The following EYS variants were observed in gnomAD, a reference collection of about 807,000 sequenced individuals.
EYS encodes protein eyes shut homolog.
A neutral mutation model predicts 282.1 loss-of-function variants in EYS; 250 were observed. The observed-to-expected ratio is 0.89, with a 90% CI of 0.80 to 0.98. The LOEUF is 0.98. Among genes scored for constraint, EYS ranks in the 50% least tolerant of loss-of-function variants. The pLI, the probability that EYS is intolerant of heterozygous loss-of-function variation, is 0.00. For synonymous variants in EYS, 1,355 were observed against 1,282.9 expected, an observed-to-expected ratio of 1.06 and a Z score of -1.20; for missense variants, 4,016 against 3,709.0, an observed-to-expected ratio of 1.08 and a Z score of -2.15.
rs532808715 is a variant in EYS at position 64,077,787 on chromosome 6, T to A, written c.6571+4069A>T. ...ACTGCTTGTGTAATAGAGCTCATTT[T>A]CTGAAAGTGCACCTAAAGAATTTTG... On this transcript the variant is annotated intron_variant, in intron 32 of 42. Transcript: ENST00000503581. 1.1e-4 allele frequency among the ~76,000 whole-genome samples: 16 copies of A among 152,168 alleles called. No individual in the cohort carries two copies. In the South Asian group the frequency reaches 1.4e-3, roughly 14 times the overall value.
At chr6:64,159,681 T>C (rs1315250918) in intron 31 of EYS, among the ~76,000 whole-genome samples, 2 of 152,024 alleles carry the variant, frequency 1.3e-5, no homozygotes, top group Admixed American at 6.5e-5. Flanking sequence ...TGGAAGCTGA[T>C]TGCATTTTAA....
chr6:64,536,270 A>G (rs1031807589), intron 26 of EYS, among the ~76,000 whole-genome samples: 1 of 152,148 alleles, frequency 6.6e-6, no homozygotes, highest in African/African-American at 2.4e-5. Context: ...AAACAAATGT[A>G]AGGGAAAAAA....
chr6:64,518,366 G>A (rs987375018), intron 26 of EYS, among the ~76,000 whole-genome samples: 13 of 151,650 alleles, frequency 8.6e-5, no homozygotes, highest in Non-Finnish European at 1.9e-4. Context: ...GCCCGGGCTG[G>A]ATCTTAGTGG....
intron 29 of EYS, among the ~76,000 whole-genome samples, chr6:64,309,752 G>A (rs1416727288): frequency 2.6e-5 from 4 of 151,972 alleles, no homozygotes; most frequent in Admixed American, 2.6e-4. Context: ...GGATCATGAG[G>A]TCAAGAGATC....
intron 30 of EYS, among the ~76,000 whole-genome samples, chr6:64,302,684 A>G (rs1769277581): frequency 6.6e-6 from 1 of 152,136 alleles, no homozygotes; most frequent in African/African-American, 2.4e-5. Flanking sequence ...AAATATGCTC[A>G]AAAAAGGGGG....
intron 5 of EYS, among the ~76,000 whole-genome samples, chr6:65,469,836 T>G (rs1184051676): frequency 6.6e-6 from 1 of 152,124 alleles, no homozygotes; most frequent in African/African-American, 2.4e-5. Flanking sequence ...GAGGAAATGA[T>G]GTAAGTAAAT....
chr6:63,723,087 GT>G lies in EYS; in HGVS notation c.8234-1291del, dbSNP rs560429011. Among the ~76,000 whole-genome samples the G allele has an allele frequency of 3.8e-3, 586 of 152,212 alleles. 3 individuals are homozygous for G. The highest frequency in any genetic ancestry group is 0.012 in the African/African-American group (509 of 41,546). Reference sequence around the variant, plus strand: ...AAATAATTATTAAATAAAGAAATACGTTTGTAGGGTTGTGGGTTGAGATGAC... The same window carrying G: ...AAATAATTATTAAATAAAGAAATACGTTGTAGGGTTGTGGGTTGAGATGAC... On this transcript the variant is annotated intron_variant, in intron 42 of 42. Coordinates refer to ENST00000503581, the MANE Select transcript of EYS (RefSeq NM_001142800.2).
intron 29 of EYS, among the ~76,000 whole-genome samples, chr6:64,373,824 A>G (rs979730405): frequency 6.6e-6 from 1 of 152,112 alleles, no homozygotes; most frequent in Non-Finnish European, 1.5e-5. Flanking sequence ...CCACCTGGCT[A>G]TCGGTGGAGG....
At chr6:63,809,964 G>T (rs879934811) in intron 36 of EYS, among the ~76,000 whole-genome samples, 1 of 151,530 alleles carries the variant, frequency 6.6e-6, no homozygotes, top group Non-Finnish European at 1.5e-5. Flanking sequence ...TGCTGTGGCC[G>T]GGCACGGTGG....
intron 12 of EYS, among the ~76,000 whole-genome samples, chr6:65,273,054 GAAT>G (rs1211031349): frequency 2.2e-4 from 34 of 152,180 alleles, no homozygotes; most frequent in South Asian, 8.3e-4. Context: ...ATGGCTAATT[GAAT>G]AATATGTGAT....
intron 14 of EYS, among the ~76,000 whole-genome samples, chr6:64,991,161 T>A (rs561493260): frequency 5.9e-5 from 9 of 151,692 alleles, no homozygotes; most frequent in African/African-American, 2.2e-4. Flanking sequence ...TCTATCATAG[T>A]TAACCATAGT....
chr6:64,398,008 C>G (rs1006228377), intron 28 of EYS, among the ~76,000 whole-genome samples: 1 of 138,826 alleles, frequency 7.2e-6, no homozygotes, highest in Non-Finnish European at 1.6e-5. Flanking sequence ...CACAAATACA[C>G]AGGTATTTTT....
rs924108158 is a variant in EYS, at chr6:64,637,250, A to T, written c.3444-11005T>A. 4.4e-5 allele frequency among the ~76,000 whole-genome samples: 4 copies of T among 91,490 alleles called. 2 individuals are homozygous for T. The highest frequency in any genetic ancestry group is 9.4e-5 in the Non-Finnish European group (4 of 42,364). The allele number at this position is 91,490 out of a possible 152,430, so 60.0% of individuals were successfully genotyped here. A position where few individuals can be genotyped will look rare whatever the true frequency, so the allele number is the denominator to read the frequency against. ...AAATGTGGCATATATACACCATGGA[A>T]TACTATGCAGCCATAAAAAATGAAG... On this transcript the variant is annotated intron_variant, in intron 22 of 42. Coordinates refer to ENST00000503581, the MANE Select transcript of EYS (RefSeq NM_001142800.2).
At chr6:64,782,948 C>T (rs1386120771) in intron 22 of EYS, among the ~76,000 whole-genome samples, 1 of 152,142 alleles carries the variant, frequency 6.6e-6, no homozygotes, top group Non-Finnish European at 1.5e-5. Context: ...GCCATCTTCT[C>T]AAAATGTTAA....
At chr6:64,736,731 C>A (rs1772194146) in intron 22 of EYS, among the ~76,000 whole-genome samples, 1 of 152,124 alleles carries the variant, frequency 6.6e-6, no homozygotes, top group Non-Finnish European at 1.5e-5. Flanking sequence ...TTATTAAGTG[C>A]ATATGCCAGT....
chr6:64,831,894 A>T (rs888619541), intron 19 of EYS, among the ~76,000 whole-genome samples: 9 of 152,016 alleles, frequency 5.9e-5, no homozygotes, highest in African/African-American at 2.2e-4. Flanking sequence ...AGATCATTCT[A>T]AATGAGTGAG....
intron 19 of EYS, among the ~76,000 whole-genome samples, chr6:64,843,535 C>G (rs551025832): frequency 6.6e-6 from 1 of 152,296 alleles, no homozygotes; most frequent in South Asian, 2.1e-4. Flanking sequence ...TTTTACTGCC[C>G]CGCTGGATTT....
chr6:65,408,650 A>G (rs1319433224), intron 5 of EYS, among the ~76,000 whole-genome samples: 1 of 151,988 alleles, frequency 6.6e-6, no homozygotes, highest in African/African-American at 2.4e-5. Context: ...AGATTTGTCC[A>G]TTTCGTTTTC....
intron 1 of EYS, among the ~76,000 whole-genome samples, chr6:65,692,699 A>G (rs765812736): frequency 1.1e-4 from 16 of 150,230 alleles, no homozygotes; most frequent in Admixed American, 5.4e-4. Flanking sequence ...CTAACACGAC[A>G]TGTAGTATTT....
Sources: gnomAD v4.1 joint callset for allele counts (sites outside exome capture counted in the v4.1 genomes callset) on GRCh38, gnomAD v4.1.1 for gene constraint, MANE v1.5 for transcripts, NCBI Gene and HGNC (gene_info 2026-07-23, HGNC 2026-07-21) for gene names.